ATP10A: variants seen among roughly 807,000 people sequenced by gnomAD.
ATP10A encodes the protein ATPase phospholipid transporting 10A (putative), also known as phospholipid-transporting ATPase VA.
In ATP10A, 111 loss-of-function variants were observed where a neutral mutation model predicts 147.8. The ratio of observed to expected loss-of-function variants is 0.75; its 90% CI spans 0.64 to 0.88. ATP10A has a LOEUF of 0.88. ATP10A is among the 40% of genes least tolerant of loss of function. The pLI, the probability that ATP10A is intolerant of heterozygous loss-of-function variation, is 0.00. For missense variants in ATP10A, 1,927 were observed against 1,959.0 expected (o/e 0.98, Z 0.31); for synonymous variants, 875 against 841.6 (o/e 1.04, Z -0.69).
At chr15:25,799,373 C>T (rs570612187) in intron 1 of ATP10A, among the ~76,000 whole-genome samples, 2 of 152,234 alleles carry the variant, frequency 1.3e-5, no homozygotes, top group East Asian at 3.9e-4. Context: ...GTGTTGGGTG[C>T]TCAAATGTAG....
downstream of ATP10A, among the ~76,000 whole-genome samples, chr15:25,674,022 G>A (rs1171113706): frequency 6.6e-6 from 1 of 152,344 alleles, no homozygotes; most frequent in Middle Eastern, 3.4e-3. Flanking sequence ...AGGAGGTTGC[G>A]TGTCCCTGGA....
intron 7 of ATP10A, among the ~76,000 whole-genome samples, chr15:25,719,986 T>TA (rs2140416728): frequency 6.6e-6 from 1 of 152,272 alleles, no homozygotes; most frequent in African/African-American, 2.4e-5. Context: ...GGCACTTCTC[T>TA]AAAACACGCT....
chr15:25,733,399 G>A (rs543237599), intron 3 of ATP10A, among the ~76,000 whole-genome samples: 5 of 152,234 alleles, frequency 3.3e-5, no homozygotes, highest in South Asian at 2.1e-4. Flanking sequence ...ATTCCTGCCC[G>A]AGGGAGCACT....
At chr15:25,827,601 G>A (rs1446808966) in intron 1 of ATP10A, among the ~76,000 whole-genome samples, 2 of 152,050 alleles carry the variant, frequency 1.3e-5, no homozygotes, top group South Asian at 2.1e-4. Context: ...AAATTTAGAT[G>A]CTAATTAAAA....
intron 15 of ATP10A, among the ~76,000 whole-genome samples, chr15:25,690,336 C>G (rs987617384): frequency 1.3e-5 from 2 of 152,014 alleles, no homozygotes; most frequent in Non-Finnish European, 2.9e-5. Flanking sequence ...CTCAACCTCC[C>G]AGGCTCAAGT....
chr15:25,833,078 C>G (rs190838303), intron 1 of ATP10A, among the ~76,000 whole-genome samples: 230 of 148,718 alleles, frequency 1.5e-3, no homozygotes, highest in African/African-American at 5.3e-3. Context: ...CGCCTCCTGG[C>G]TTCAAGTGAT....
intron 1 of ATP10A, among the ~76,000 whole-genome samples, chr15:25,838,489 A>C (rs1045293198): frequency 7.2e-5 from 11 of 152,174 alleles, no homozygotes; most frequent in Non-Finnish European, 1.5e-4. Flanking sequence ...CCACACTGTT[A>C]ATATGAAAGC....
At chr15:25,811,396 G>C (rs1282819771) in intron 1 of ATP10A, among the ~76,000 whole-genome samples, 1 of 152,182 alleles carries the variant, frequency 6.6e-6, no homozygotes, top group Non-Finnish European at 1.5e-5. Context: ...GAGAAGAAAG[G>C]AGAGGAGGAA....
At chr15:25,799,471 C>A (rs991455798) in intron 1 of ATP10A, among the ~76,000 whole-genome samples, 1 of 152,070 alleles carries the variant, frequency 6.6e-6, no homozygotes, top group East Asian at 1.9e-4. Flanking sequence ...CAGAGATGAA[C>A]CAAAATGGTG....
rs370296433 is a variant in ATP10A, at chr15:25,786,338, G to A, written c.450-5115C>T. ...ACACGGCTGGAAGGACATCTCGAAT[G>A]TGTGCCCGTCACCACCGCAGTTTTA... On this transcript the variant is annotated intron_variant, in intron 1 of 20. Transcript: ENST00000555815. 1.8e-4 allele frequency among the ~76,000 whole-genome samples: 28 copies of A among 152,308 alleles called. No individual in the cohort carries two copies. In the South Asian group the frequency reaches 5.8e-3, roughly 32 times the overall value.
chr15:25,841,546 C>G (rs1173208479), intron 1 of ATP10A: 2 of 145,514 alleles, frequency 1.4e-5, no homozygotes, highest in African/African-American at 5.1e-5. Flanking sequence ...ATTTTTGGAC[C>G]TGTGTTTTTC....
At chr15:25,735,457 C>T (rs569445385) in intron 3 of ATP10A, among the ~76,000 whole-genome samples, 57 of 152,316 alleles carry the variant, frequency 3.7e-4, no homozygotes, top group Admixed American at 1.7e-3. Flanking sequence ...CAGGCCTGTG[C>T]CCTGATCCAC....
chr15:25,755,636 A>C (rs988431340), intron 2 of ATP10A, among the ~76,000 whole-genome samples: 1 of 152,120 alleles, frequency 6.6e-6, no homozygotes, highest in East Asian at 1.9e-4. Flanking sequence ...ATCCCTTAAA[A>C]ACAGTCTGCC....
intron 2 of ATP10A, among the ~76,000 whole-genome samples, chr15:25,763,042 G>A (rs924900914): frequency 6.6e-6 from 1 of 151,932 alleles, no homozygotes; most frequent in African/African-American, 2.4e-5. Context: ...CTCTTACTGA[G>A]CAGCTAAAAA....
chr15:25,687,964 G>T lies in ATP10A; in HGVS notation c.3166-136C>A. Reference sequence around the variant, plus strand: ...ACACAGTGCGAGCGTGGCCGGCCAGGGTCTCCATCGCTGTCGTCTCCCTCA... The same window carrying T: ...ACACAGTGCGAGCGTGGCCGGCCAGTGTCTCCATCGCTGTCGTCTCCCTCA... On this transcript the variant is annotated intron_variant, in intron 15 of 20. Transcript: ENST00000555815. The T allele has an allele frequency of 2.5e-6, 3 of 1,195,938 alleles. No individual in the cohort carries two copies. The South Asian group carries it at 3.8e-5, about 15-fold the overall frequency. 74.1% of individuals were successfully genotyped at this position (1,195,938 alleles called of 1,614,324 possible).
At chr15:25,689,481 C>T (rs151072048) in intron 15 of ATP10A, among the ~76,000 whole-genome samples, 129 of 152,294 alleles carry the variant, frequency 8.5e-4, no homozygotes, top group East Asian at 1.9e-3. Context: ...TGATCCTCCA[C>T]GGCTCAGCTC....
intron 1 of ATP10A, among the ~76,000 whole-genome samples, chr15:25,845,333 TGTGTG>T (rs1567427939): frequency 9.9e-5 from 15 of 152,068 alleles, no homozygotes; most frequent in Admixed American, 5.2e-4. Flanking sequence ...TGTGTGTGTG[TGTGTG>T]TGTGTGTGTG....
chr15:25,691,321 C>T (rs1020433701), intron 15 of ATP10A, among the ~76,000 whole-genome samples: 4 of 152,152 alleles, frequency 2.6e-5, no homozygotes, highest in South Asian at 2.1e-4. Flanking sequence ...TGTACAGTGA[C>T]GCCAGGCTCC....
At chr15:25,730,514 C>T (rs1032389886) in intron 3 of ATP10A, among the ~76,000 whole-genome samples, 2 of 152,102 alleles carry the variant, frequency 1.3e-5, no homozygotes, top group East Asian at 1.9e-4. Flanking sequence ...GACTGCTCAG[C>T]GGCCACTAAT....
Sources: allele counts gnomAD v4.1 joint callset (sites outside exome capture counted in the v4.1 genomes callset), GRCh38; gene constraint gnomAD v4.1.1; transcripts MANE v1.5; gene names NCBI Gene and HGNC (gene_info 2026-07-23, HGNC 2026-07-21).